AGAP3: variants seen among roughly 807,000 people sequenced by gnomAD.
AGAP3 encodes the protein ArfGAP with GTPase domain, ankyrin repeat and PH domain 3, also known as arf-GAP with GTPase, ANK repeat and PH domain-containing protein 3.
AGAP3 carries 24 observed loss-of-function variants against 96.9 expected under a neutral mutation model. That is an observed-to-expected ratio of 0.25 (90% CI 0.18 to 0.35). The LOEUF is 0.35. Among genes scored for constraint, AGAP3 ranks in the 10% least tolerant of loss-of-function variants. The pLI, the probability that AGAP3 is intolerant of heterozygous loss-of-function variation, is 1.00. For synonymous variants in AGAP3, 563 were observed against 536.1 expected (o/e 1.05, Z -0.69); for missense variants, 876 against 1,254.2 (o/e 0.70, Z 4.55).
rs773551103 is a variant in AGAP3, at chr7:151,118,598, C to G, written c.935C>G (p.Ser312Cys). Residue 312 changes from serine (S) to cysteine (C), a missense_variant, in exon 7 of 18, where the codon TCC becomes TGC. By Grantham distance (112) the Ser-to-Cys change is moderately radical. Transcript: ENST00000397238. The surrounding 1 kb of genome is among the most constrained non-coding windows in gnomAD (Gnocchi z 6.1). ...AACTCGCCCAGCCACTCGGCCGTGT[C>G]CGCCGCCTCCATCCCGGCCGTGCAC... is the stretch of plus-strand genomic sequence containing the variant. ...LPNSPSHSAV[S>C]AASIPAVHIN... 9.9e-6 allele frequency: 16 copies of G among 1,613,858 alleles called. No homozygotes were observed. The African/African-American group carries it at 1.1e-4, about 11-fold the overall frequency.
intron 8 of AGAP3, chr7:151,123,349 G>C (rs926004602): frequency 1.6e-5 from 17 of 1,041,770 alleles, no homozygotes; most frequent in Non-Finnish European, 1.7e-5. Flanking sequence ...GTGCCCCTTG[G>C]GCCACGCCGA....
intron 8 of AGAP3, 53 bp from the exon 9 acceptor site, chr7:151,123,741 A>T: frequency 6.3e-7 from 1 of 1,598,528 alleles, no homozygotes; most frequent in Non-Finnish European, 8.6e-7. Flanking sequence ...CCAGGTGGGC[A>T]GCTCTCGGCA....
chr7:151,134,094 G>A (rs1031861516), intron 10 of AGAP3, among the ~76,000 whole-genome samples: 2 of 152,152 alleles, frequency 1.3e-5, no homozygotes, highest in African/African-American at 4.8e-5. Context: ...CACTTGGCCT[G>A]CTTTGTGCTG....
Sources: allele counts gnomAD v4.1 joint callset (sites outside exome capture counted in the v4.1 genomes callset), GRCh38; gene constraint gnomAD v4.1.1; non-coding constraint Gnocchi (gnomAD v3.1); transcripts MANE v1.5; gene names NCBI Gene and HGNC (gene_info 2026-07-23, HGNC 2026-07-21).